MAN2A2: variants seen among roughly 807,000 people sequenced by gnomAD.
MAN2A2 encodes the protein mannosidase alpha class 2A member 2.
Under a neutral mutation model 126.8 loss-of-function variants are expected in MAN2A2, and 79 were observed. The ratio of observed to expected loss-of-function variants is 0.62; its 90% CI spans 0.52 to 0.75. The LOEUF is 0.75. MAN2A2 is among the 30% of genes least tolerant of loss of function. The pLI is 0.00. For synonymous variants in MAN2A2, 671 were observed against 618.7 expected, an observed-to-expected ratio of 1.08 and a Z score of -1.25; for missense variants, 1,392 against 1,522.4, an observed-to-expected ratio of 0.91 and a Z score of 1.43.
In MAN2A2 at chr15:90,918,681, T is replaced by C. The variant is rs2035373601; in HGVS notation, c.3226T>C (p.Leu1076=). 2 of 1,521,652 alleles carry C rather than the reference T, an allele frequency of 1.3e-6. No individual in the cohort carries two copies. Among genetic ancestry groups the C allele is most frequent in the Non-Finnish European group, 1.8e-6 (2 of 1,096,212 alleles). The allele number at this position is 1,521,652 out of a possible 1,614,324, so 94.3% of individuals were successfully genotyped here. The change falls in exon 22 of 23, where the codon TTA becomes CTA. Residue 1076 remains leucine (L), a synonymous_variant. Transcript: ENST00000559717. ...ACCCTCGGCGGAGACCGCACTCATC[T>C]TACACCGCAAGGGTTTTGACTGCGG... The part of the protein sequence containing the change: ...TLPSAETALI[L]HRKGFDCGLE...
chr15:90,907,195 G>T (rs766673407), intron 7 of MAN2A2, 114 bp from the exon 8 acceptor site: 73 of 1,090,200 alleles, frequency 6.7e-5, no homozygotes, highest in Non-Finnish European at 9.0e-5. Context: ...CCAGCCCTAG[G>T]TCCAGTTACA....
chr15:90,902,845 G>T (rs932372817), upstream of MAN2A2: 6 of 147,022 alleles, frequency 4.1e-5, no homozygotes, highest in African/African-American at 1.5e-4. Context: ...CGCGGAGCAG[G>T]GGGCTACGGG....
chr15:90,918,860 G>A, intron 22 of MAN2A2, 105 bp downstream of exon 22: 1 of 839,978 alleles, frequency 1.2e-6, no homozygotes. Context: ...GTCACTCCAG[G>A]GCTTTCTGGA....
chr15:90,912,797 C>G (rs892234306), intron 16 of MAN2A2, 80 bp from the exon 17 acceptor site: 7 of 1,551,022 alleles, frequency 4.5e-6, no homozygotes, highest in Non-Finnish European at 6.2e-6. Context: ...AATAGGTGCT[C>G]TCTTGCCCAG....
At chr15:90,908,860 G>A (rs1347619810) in intron 8 of MAN2A2, among the ~76,000 whole-genome samples, 1 of 152,172 alleles carries the variant, frequency 6.6e-6, no homozygotes, top group Non-Finnish European at 1.5e-5. Context: ...ACAGGTGTGA[G>A]CCACTGCGCT....
chr15:90,916,750 C>A lies in MAN2A2; in HGVS notation c.2994+494C>A, dbSNP rs952303700. On this transcript the variant is annotated intron_variant, in intron 20 of 22. Transcript: ENST00000559717. Reference sequence around the variant, plus strand: ...TGACAGAGCCCGCCACTCAGTCACTCGTGCATCAGATAGATATTGAGCACC... The same window carrying A: ...TGACAGAGCCCGCCACTCAGTCACTAGTGCATCAGATAGATATTGAGCACC... 7.2e-6 allele frequency: 7 copies of A among 971,562 alleles called. No homozygotes were observed. The Admixed American group carries it at 9.3e-5, about 13-fold the overall frequency. The allele number at this position is 971,562 out of a possible 1,614,324, so 60.2% of individuals were successfully genotyped here.
At chr15:90,917,933 T>G in intron 20 of MAN2A2, 1 of 462,210 alleles carries the variant, frequency 2.2e-6, no homozygotes. Flanking sequence ...GGGTTGCTCA[T>G]GATAGTGTTA....
chr15:90,908,323 A>G (rs1399781295), intron 8 of MAN2A2, among the ~76,000 whole-genome samples: 2 of 152,218 alleles, frequency 1.3e-5, no homozygotes, highest in African/African-American at 4.8e-5. Context: ...CTCTCATGAG[A>G]ACAGAGTAGA....
At position 90,920,519 on chromosome 15, in the gene MAN2A2, T is replaced by G. The variant is rs1279689877; in HGVS notation, c.*732T>G. On this transcript the variant is annotated 3_prime_UTR_variant, in exon 23 of 23. Coordinates refer to ENST00000559717, the MANE Select transcript of MAN2A2 (RefSeq NM_006122.4). The stretch of plus-strand genomic sequence containing the variant: ...TGGCAAACTGGGCACTTGGCCTATG[T>G]ACTGATTTGTGGGATGGTGGCAGGG... The G allele has an allele frequency of 1.3e-5, 2 of 152,400 alleles. No homozygotes were observed. Among genetic ancestry groups the G allele is most frequent in the African/African-American group, 2.4e-5 (1 of 41,464 alleles). The allele number at this position is 152,400 out of a possible 1,614,324, so 9.4% of individuals were successfully genotyped here. A position where few individuals can be genotyped will look rare whatever the true frequency, so the allele number is the denominator to read the frequency against.
At chr15:90,915,301 C>G (rs1221279523) in intron 19 of MAN2A2, 3 of 152,220 alleles carry the variant, frequency 2.0e-5, no homozygotes, top group Non-Finnish European at 2.9e-5. Flanking sequence ...TCAGTAAGGA[C>G]TGGAGAGGTG....
chr15:90,904,037 G>T, intron 1 of MAN2A2, 153 bp from the exon 2 acceptor site: 1 of 790,450 alleles, frequency 1.3e-6, no homozygotes. Context: ...AGGACCAGGT[G>T]GGCCAGCCTC....
In MAN2A2 at chr15:90,921,396, T is replaced by C. The variant is rs1225366524; in HGVS notation, c.*1609T>C. The C allele has an allele frequency of 6.6e-6, 1 of 152,194 alleles. No individual in the cohort carries two copies. The highest frequency in any genetic ancestry group is 1.5e-5 in the Non-Finnish European group (1 of 68,096). The allele number at this position is 152,194 out of a possible 1,614,324, so 9.4% of individuals were successfully genotyped here. On this transcript the variant is annotated 3_prime_UTR_variant, in exon 23 of 23. Transcript: ENST00000559717. ...AGAACACTAAGACCACTCTGAACGA[T>C]GATAATGAGTTGGGGGGTGGACTGC... is the stretch of plus-strand genomic sequence containing the variant.
rs745310073 is a variant in MAN2A2 at position 90,916,184 on chromosome 15, A to G, written c.2922A>G (p.Gln974=). The G allele has an allele frequency of 6.2e-6, 10 of 1,614,166 alleles. No homozygotes were observed. In the South Asian group the frequency reaches 9.9e-5, roughly 16 times the overall value. Residue 974 remains glutamine, a synonymous_variant, in exon 20 of 23, where the codon CAA becomes CAG. Transcript: ENST00000559717. ...LMQDDNRGLG[Q]GLKDNKRTCN... ...AGGATGACAACCGGGGCCTAGGCCA[A>G]GGGCTCAAGGACAACAAGAGAACCT...
Position 90,912,522 on chromosome 15 carries a change from A to G in MAN2A2, c.2347-20A>G. ...ACATGCTGGTGTGGGGCCAGGGGTC[A>G]GGGCTGTGTTTTTTGGCAGAGCATC... On this transcript the variant is annotated intron_variant, in intron 15 of 22. Transcript: ENST00000559717. The G allele has an allele frequency of 1.2e-6, 2 of 1,611,970 alleles. No individual in the cohort carries two copies. The highest frequency in any genetic ancestry group is 1.7e-6 in the Non-Finnish European group (2 of 1,179,036).
chr15:90,911,149 C>T (rs1567124655), intron 12 of MAN2A2, 22 bp from the exon 13 acceptor site: 1 of 1,613,286 alleles, frequency 6.2e-7, no homozygotes, highest in Non-Finnish European at 8.5e-7. Flanking sequence ...TGGTTCTTCC[C>T]TTCCGGCTCA....
At chr15:90,911,669 C>A in intron 14 of MAN2A2, 119 bp downstream of exon 14, 2 of 1,182,210 alleles carry the variant, frequency 1.7e-6, no homozygotes, top group Non-Finnish European at 2.3e-6. Flanking sequence ...AGGCTGAGGA[C>A]AAGTGTCCTG....
chr15:90,918,761 T>C lies in MAN2A2; in HGVS notation c.3300+6T>C. 1.3e-6 allele frequency: 2 copies of C among 1,517,316 alleles called. No homozygotes were observed. The highest frequency in any genetic ancestry group is 1.8e-6 in the Non-Finnish European group (2 of 1,093,494). The allele number at this position is 1,517,316 out of a possible 1,614,324, so 94.0% of individuals were successfully genotyped here. ...GCACCACAAGCCAAGGCAAGGTGAG[T>C]AGGGTGGGGAAACAGAGCACCTAGG... is the stretch of plus-strand genomic sequence containing the variant. On this transcript the variant is annotated splice_donor_region_variant and intron_variant, in intron 22 of 22. Transcript: ENST00000559717.
intron 16 of MAN2A2, 32 bp downstream of exon 16, chr15:90,912,696 G>A: frequency 6.2e-7 from 1 of 1,613,260 alleles, no homozygotes; most frequent in Non-Finnish European, 8.5e-7. Flanking sequence ...CAACCTGGCA[G>A]GGAGGGCAGG....
chr15:90,908,387 T>C (rs577631066), intron 8 of MAN2A2, among the ~76,000 whole-genome samples: 1 of 152,328 alleles, frequency 6.6e-6, no homozygotes, highest in East Asian at 1.9e-4. Context: ...CTTTGGACTG[T>C]GATATTTATA....
Sources: allele counts gnomAD v4.1 joint callset (sites outside exome capture counted in the v4.1 genomes callset), GRCh38; gene constraint gnomAD v4.1.1; transcripts MANE v1.5; gene names NCBI Gene and HGNC (gene_info 2026-07-23, HGNC 2026-07-21).